Variants in RANBP3 observed in about 807,000 individuals in gnomAD.
RANBP3 encodes RAN binding protein 3, also known as ran-binding protein 3.
RANBP3 carries 14 observed loss-of-function variants against 77.3 expected under a neutral mutation model. The ratio of observed to expected loss-of-function variants is 0.18; its 90% CI spans 0.12 to 0.28. The LOEUF is 0.28. Among genes scored for constraint, RANBP3 ranks in the 10% least tolerant of loss-of-function variants. RANBP3 has a pLI of 1.00. For missense variants in RANBP3, 586 were observed against 752.3 expected (o/e 0.78, Z 2.59); for synonymous variants, 315 against 312.4 (o/e 1.01, Z -0.09).
intron 8 of RANBP3, among the ~76,000 whole-genome samples, chr19:5,929,061 C>A (rs975889125): frequency 6.6e-6 from 1 of 152,152 alleles, no homozygotes; most frequent in African/African-American, 2.4e-5. Flanking sequence ...ACTGGCTCAG[C>A]GTGTCCAGCG....
At chr19:5,965,310 CCT>C (rs2058454240) in intron 1 of RANBP3, among the ~76,000 whole-genome samples, 1 of 152,042 alleles carries the variant, frequency 6.6e-6, no homozygotes, top group Admixed American at 6.5e-5. Flanking sequence ...CCAGATACTG[CCT>C]CTTCAAAGAG....
chr19:5,939,980 C>A (rs1160592203), intron 5 of RANBP3, among the ~76,000 whole-genome samples: 1 of 152,258 alleles, frequency 6.6e-6, no homozygotes, highest in Admixed American at 6.5e-5. Flanking sequence ...CACCTAAGAT[C>A]TTCCTTCACC....
chr19:5,923,161 C>T (rs374805186), intron 13 of RANBP3, 33 bp downstream of exon 13: 9 of 1,588,006 alleles, frequency 5.7e-6, no homozygotes, highest in Non-Finnish European at 7.8e-6. Context: ...GCATGGAAGA[C>T]CCAGGGCCAC....
chr19:5,943,791 C>G (rs990266939), intron 3 of RANBP3, among the ~76,000 whole-genome samples: 2 of 152,152 alleles, frequency 1.3e-5, no homozygotes, highest in African/African-American at 4.8e-5. Flanking sequence ...GTGTGGGAAA[C>G]ACAAAATCCT....
rs543136689 is a variant in RANBP3, at chr19:5,927,480, T to C, written c.813+488A>G. 5.9e-5 allele frequency among the ~76,000 whole-genome samples: 9 copies of C among 152,300 alleles called. No individual in the cohort carries two copies. The South Asian group carries it at 1.9e-3, about 32-fold the overall frequency. On this transcript the variant is annotated intron_variant, in intron 9 of 16. Coordinates refer to ENST00000340578, the MANE Select transcript of RANBP3 (RefSeq NM_007322.3). The stretch of plus-strand genomic sequence containing the variant: ...TTGTGGTTGTCAGATGTCAGGAGCA[T>C]TGGGTGGGTGGAGGCCAGTGATGCT...
chr19:5,920,627 A>G (rs2057805406), intron 14 of RANBP3, among the ~76,000 whole-genome samples: 1 of 152,082 alleles, frequency 6.6e-6, no homozygotes, highest in Non-Finnish European at 1.5e-5. Context: ...GGCTCACTGC[A>G]ATCTCCGTCT....
chr19:5,970,089 T>C (rs1249643384), intron 1 of RANBP3, among the ~76,000 whole-genome samples: 1 of 152,128 alleles, frequency 6.6e-6, no homozygotes, highest in Non-Finnish European at 1.5e-5. Flanking sequence ...TGGAGGAAAC[T>C]GTTACAGACA....
intron 8 of RANBP3, 49 bp from the exon 9 acceptor site, chr19:5,928,136 T>C (rs1287042293): frequency 6.3e-7 from 1 of 1,582,624 alleles, no homozygotes; most frequent in Non-Finnish European, 8.6e-7. Flanking sequence ...GTGCCACACT[T>C]GGCCCAGACG....
chr19:5,962,664 C>A (rs758248371), intron 1 of RANBP3: 1 of 455,944 alleles, frequency 2.2e-6, no homozygotes, highest in South Asian at 1.5e-5. Flanking sequence ...CATGACTGAC[C>A]CAGCCACTGC....
chr19:5,936,594 G>A (rs940597571), intron 5 of RANBP3, among the ~76,000 whole-genome samples: 6 of 152,204 alleles, frequency 3.9e-5, no homozygotes, highest in Non-Finnish European at 7.3e-5. Context: ...AAGAACCAGC[G>A]TGCCTCTGAG....
In RANBP3 at chr19:5,917,992, G is replaced by A. The variant is rs772238194; in HGVS notation, c.1474-12C>T. ...TCCTTGGAGCTGGCCTGGGAAGGGA[G>A]GAGGGTATGAGACCCCCGGACCCCA... On this transcript the variant is annotated splice_polypyrimidine_tract_variant and intron_variant, in intron 15 of 16. Coordinates refer to ENST00000340578, the MANE Select transcript of RANBP3 (RefSeq NM_007322.3). 18 of 1,577,948 alleles carry A rather than the reference G, an allele frequency of 1.1e-5. No homozygotes were observed. Among genetic ancestry groups the A allele is most frequent in the Non-Finnish European group, 1.6e-5 (18 of 1,158,640 alleles).
In RANBP3 at chr19:5,977,997, GC is replaced by G. The variant is rs1011928116; in HGVS notation, c.22+63del. On this transcript the variant is annotated intron_variant, in intron 1 of 16. Coordinates refer to ENST00000340578, the MANE Select transcript of RANBP3 (RefSeq NM_007322.3). ...GCGGTGCTCCCCCCAAGGGCTTGTG[GC>G]CCCTAGTCCTCCCGCCGCCCGTTCC... 131 of 1,596,642 alleles carry G rather than the reference GC, an allele frequency of 8.2e-5. No homozygotes were observed. The African/African-American group carries it at 1.5e-3, about 19-fold the overall frequency.
At chr19:5,937,308 G>A (rs2058080161) in intron 5 of RANBP3, among the ~76,000 whole-genome samples, 1 of 152,074 alleles carries the variant, frequency 6.6e-6, no homozygotes, top group South Asian at 2.1e-4. Flanking sequence ...CTGGTAAGGG[G>A]ACAAGTGAGT....
At position 5,924,752 on chromosome 19, in the gene RANBP3, C is replaced by T. The variant is rs963217600; in HGVS notation, c.996+75G>A. 15 of 1,433,286 alleles carry T rather than the reference C, an allele frequency of 1.0e-5. No individual in the cohort carries two copies. In the African/African-American group the frequency reaches 1.8e-4, roughly 17 times the overall value. 88.8% of individuals were successfully genotyped at this position (1,433,286 alleles called of 1,614,324 possible). A position where few individuals can be genotyped will look rare whatever the true frequency, so the allele number is the denominator to read the frequency against. On this transcript the variant is annotated intron_variant, in intron 11 of 16. Transcript: ENST00000340578. The surrounding 1 kb of genome is among the most constrained non-coding windows in gnomAD (Gnocchi z 4.7). Reference sequence around the variant, plus strand: ...CATAGGACGACACAGCAGCCCTGCTCTCCATGTCCCCTTGACCTGTGGCTG... The same window carrying T: ...CATAGGACGACACAGCAGCCCTGCTTTCCATGTCCCCTTGACCTGTGGCTG...
intron 2 of RANBP3, among the ~76,000 whole-genome samples, chr19:5,956,458 A>G (rs992624430): frequency 1.3e-5 from 2 of 152,228 alleles, no homozygotes; most frequent in African/African-American, 4.8e-5. Context: ...GCAGAGGCAG[A>G]TTTATCTTGG....
At chr19:5,930,203 A>T (rs2057970263) in intron 8 of RANBP3, among the ~76,000 whole-genome samples, 1 of 152,262 alleles carries the variant, frequency 6.6e-6, no homozygotes, top group Non-Finnish European at 1.5e-5. Context: ...TCAGCAGTCA[A>T]AGCTTCCAAG....
In RANBP3 at chr19:5,924,398, T is replaced by C. The variant is rs2057872822; in HGVS notation, c.996+429A>G. On this transcript the variant is annotated intron_variant, in intron 11 of 16. Transcript: ENST00000340578. This position sits in a 1 kb window ranked among gnomAD's most constrained non-coding sequence, Gnocchi z 4.7. The stretch of plus-strand genomic sequence containing the variant: ...CTGGCTGGGCTCCTGGGAACGGAGA[T>C]GGGCCTTTCGTGCACCCAAGGCCTT... Among the ~76,000 whole-genome samples the C allele has an allele frequency of 1.3e-5, 2 of 152,334 alleles. No individual in the cohort carries two copies. Among genetic ancestry groups the C allele is most frequent in the South Asian group, 4.1e-4 (2 of 4,832 alleles).
At chr19:5,964,264 T>C (rs2058437776) in intron 1 of RANBP3, among the ~76,000 whole-genome samples, 1 of 152,156 alleles carries the variant, frequency 6.6e-6, no homozygotes, top group South Asian at 2.1e-4. Flanking sequence ...TCTGCTCTCC[T>C]TTCCAACTTC....
intron 6 of RANBP3, chr19:5,933,057 G>A: frequency 3.5e-6 from 1 of 286,854 alleles, no homozygotes. Flanking sequence ...CCGCTGGAAT[G>A]CAGCCACCCT....
Sources: allele counts gnomAD v4.1 joint callset (sites outside exome capture counted in the v4.1 genomes callset), GRCh38; gene constraint gnomAD v4.1.1; non-coding constraint Gnocchi (gnomAD v3.1); transcripts MANE v1.5; gene names NCBI Gene and HGNC (gene_info 2026-07-23, HGNC 2026-07-21).